The following DTD1 variants were observed in gnomAD, a reference collection of about 807,000 sequenced individuals.
DTD1 encodes the protein D-aminoacyl-tRNA deacylase 1.
Under a neutral mutation model 25.6 loss-of-function variants are expected in DTD1, and 13 were observed. That is an observed-to-expected ratio of 0.51 (90% CI 0.33 to 0.81). The LOEUF (loss-of-function observed/expected upper bound fraction) is 0.81, where lower values mean the gene tolerates loss of function less well. Ranked by LOEUF, DTD1 falls within the 30% of genes least tolerant of loss-of-function variation. The probability of loss-of-function intolerance (pLI) is 0.02; values close to 1 mark genes in which losing one functional copy is unlikely to be tolerated. For synonymous variants in DTD1, 110 were observed against 103.6 expected (o/e 1.06, Z -0.37); for missense variants, 193 against 266.4 (o/e 0.72, Z 1.92).
At position 18,632,781 on chromosome 20, in the gene DTD1, A is replaced by T. The variant is rs184464558; in HGVS notation, c.477+4548A>T. 1.4e-5 allele frequency: 7 copies of T among 497,622 alleles called. No homozygotes were observed. The African/African-American group carries it at 1.5e-4, about 10-fold the overall frequency. 30.8% of individuals were successfully genotyped at this position (497,622 alleles called of 1,614,324 possible). A position where few individuals can be genotyped will look rare whatever the true frequency, so the allele number is the denominator to read the frequency against. On this transcript the variant is annotated intron_variant, in intron 4 of 5. Transcript: ENST00000377452. ...GAACAAATGGATGATGTGTGTGTGT[A>T]TATGGATGTATATGTGTGCATGGGT...
intron 2 of DTD1, among the ~76,000 whole-genome samples, chr20:18,594,998 C>G (rs1349019932): frequency 6.6e-6 from 1 of 152,150 alleles, no homozygotes; most frequent in Non-Finnish European, 1.5e-5. Flanking sequence ...CTGTCATCTA[C>G]TTAACATCAT....
At chr20:18,668,625 G>T (rs1251358363) in intron 4 of DTD1, among the ~76,000 whole-genome samples, 1 of 152,134 alleles carries the variant, frequency 6.6e-6, no homozygotes, top group African/African-American at 2.4e-5. Flanking sequence ...GTGGTCAGGG[G>T]ATAGAGACTG....
chr20:18,638,979 T>G (rs2060818767), intron 4 of DTD1, among the ~76,000 whole-genome samples: 1 of 152,078 alleles, frequency 6.6e-6, no homozygotes, highest in South Asian at 2.1e-4. Context: ...TATTGTAAAG[T>G]TCAACCTCCC....
chr20:18,738,248 G>A (rs1294470322), intron 4 of DTD1, among the ~76,000 whole-genome samples: 1 of 152,192 alleles, frequency 6.6e-6, no homozygotes, highest in East Asian at 1.9e-4. Flanking sequence ...GCCTGGGTGT[G>A]GTCCCCCTCA....
intron 4 of DTD1, among the ~76,000 whole-genome samples, chr20:18,676,625 T>A (rs1159235786): frequency 6.6e-6 from 1 of 152,130 alleles, no homozygotes; most frequent in African/African-American, 2.4e-5. Context: ...AATCTCAAGG[T>A]TCTGCTGAGC....
intron 4 of DTD1, among the ~76,000 whole-genome samples, chr20:18,725,832 C>T (rs1324074131): frequency 6.6e-6 from 1 of 152,196 alleles, no homozygotes; most frequent in Non-Finnish European, 1.5e-5. Context: ...GACAAAAAAC[C>T]TCCCGATATC....
chr20:18,630,059 T>C (rs2060778684), intron 4 of DTD1, among the ~76,000 whole-genome samples: 1 of 152,024 alleles, frequency 6.6e-6, no homozygotes, highest in Non-Finnish European at 1.5e-5. Context: ...TTGAGGAACA[T>C]GTCTGATGTA....
chr20:18,726,109 A>G (rs1449237473), intron 4 of DTD1, among the ~76,000 whole-genome samples: 1 of 152,146 alleles, frequency 6.6e-6, no homozygotes, highest in South Asian at 2.1e-4. Context: ...ACTTGTCTAG[A>G]TCCTCACATG....
intron 4 of DTD1, among the ~76,000 whole-genome samples, chr20:18,673,573 C>A (rs2060958571): frequency 6.6e-6 from 1 of 152,162 alleles, no homozygotes; most frequent in South Asian, 2.1e-4. Flanking sequence ...AATACTGTAA[C>A]TCATTATCTT....
intron 5 of DTD1, among the ~76,000 whole-genome samples, chr20:18,759,183 T>G (rs2061351257): frequency 6.6e-6 from 1 of 152,232 alleles, no homozygotes; most frequent in African/African-American, 2.4e-5. Flanking sequence ...GTCTTGACTC[T>G]TTATCCGATT....
chr20:18,761,665 A>G (rs1459893553), intron 5 of DTD1, among the ~76,000 whole-genome samples: 1 of 152,250 alleles, frequency 6.6e-6, no homozygotes, highest in Non-Finnish European at 1.5e-5. Flanking sequence ...ACGTTCAACC[A>G]GGATTCCAAA....
At chr20:18,684,447 C>T (rs1303050893) in intron 4 of DTD1, among the ~76,000 whole-genome samples, 2 of 152,174 alleles carry the variant, frequency 1.3e-5, no homozygotes, top group South Asian at 2.1e-4. Flanking sequence ...CCATCATACC[C>T]AGCTAATTTT....
intron 4 of DTD1, chr20:18,692,154 A>T (rs918712988): frequency 6.6e-6 from 1 of 152,182 alleles, no homozygotes; most frequent in Non-Finnish European, 1.5e-5. Flanking sequence ...TCTCCTCCAT[A>T]GTTTATTCTT....
intron 4 of DTD1, among the ~76,000 whole-genome samples, chr20:18,724,153 AC>A (rs2061215358): frequency 6.6e-6 from 1 of 152,192 alleles, no homozygotes; most frequent in African/African-American, 2.4e-5. Flanking sequence ...GTCTCAGCCA[AC>A]ACCAGCAAGA....
chr20:18,643,664 A>T (rs1462286102), intron 4 of DTD1: 2 of 152,574 alleles, frequency 1.3e-5, no homozygotes, highest in East Asian at 3.8e-4. Flanking sequence ...TAGTGAAAGG[A>T]TCCAGTTCAG....
intron 3 of DTD1, among the ~76,000 whole-genome samples, chr20:18,624,609 T>C (rs187062456): frequency 1.5e-4 from 23 of 152,216 alleles, no homozygotes; most frequent in African/African-American, 5.5e-4. Flanking sequence ...TGTAGGTCCT[T>C]TGGGGGGACT....
chr20:18,610,465 A>G (rs1010667621), intron 3 of DTD1, among the ~76,000 whole-genome samples: 5 of 152,246 alleles, frequency 3.3e-5, no homozygotes, highest in Non-Finnish European at 7.3e-5. Flanking sequence ...TAATTTTATA[A>G]TGGATCAGAA....
At chr20:18,690,231 G>C (rs1274529182) in intron 4 of DTD1, among the ~76,000 whole-genome samples, 1 of 151,506 alleles carries the variant, frequency 6.6e-6, no homozygotes, top group African/African-American at 2.4e-5. Flanking sequence ...ATTTCTTGTA[G>C]ATTTTGGATT....
chr20:18,598,754 C>G (rs181488589), intron 3 of DTD1, among the ~76,000 whole-genome samples: 1 of 151,786 alleles, frequency 6.6e-6, no homozygotes, highest in South Asian at 2.1e-4. Flanking sequence ...CGTGATCTGC[C>G]TGTCTTGGCC....
Sources: allele counts gnomAD v4.1 joint callset (sites outside exome capture counted in the v4.1 genomes callset), GRCh38; gene constraint gnomAD v4.1.1; transcripts MANE v1.5; gene names NCBI Gene and HGNC (gene_info 2026-07-23, HGNC 2026-07-21).